ZNF516: variants seen among roughly 807,000 people sequenced by gnomAD.
ZNF516 encodes the protein zinc finger protein 516.
In ZNF516, 19 loss-of-function variants were observed where a neutral mutation model predicts 79.7. That is an observed-to-expected ratio of 0.24 (90% confidence interval 0.17 to 0.35). ZNF516 has a LOEUF of 0.35. ZNF516 is among the 10% of genes least tolerant of loss of function. The pLI is 1.00. For synonymous variants in ZNF516, 877 were observed against 739.5 expected (o/e 1.19, Z -3.02); for missense variants, 1,678 against 1,679.5 (o/e 1.00, Z 0.02).
intron 3 of ZNF516, among the ~76,000 whole-genome samples, chr18:76,433,846 T>G (rs1366483512): frequency 6.6e-6 from 1 of 152,110 alleles, no homozygotes; most frequent in Non-Finnish European, 1.5e-5. Flanking sequence ...TCGGAATGAC[T>G]AGAATCTCCC....
Position 76,442,074 on chromosome 18 carries a change from G to T in ZNF516, c.981C>A (p.Ile327=), listed in dbSNP as rs373365125. ...CCTCGTAGAGGCTCAGGCCGGCGAC[G>T]ATCACCTCCTCCTGGACCACGTTGT... ...TINNVVQEEV[I]VAGLSLYEVC... The change falls in exon 3 of 7, where the codon ATC becomes ATA. Residue 327 remains isoleucine, a synonymous_variant. Coordinates refer to ENST00000443185, the MANE Select transcript of ZNF516 (RefSeq NM_014643.4). The T allele has an allele frequency of 6.2e-6, 10 of 1,613,982 alleles. No homozygotes were observed. The highest frequency in any genetic ancestry group is 8.5e-6 in the Non-Finnish European group (10 of 1,179,902).
chr18:76,492,040 G>T, intron 1 of ZNF516: 1 of 441,752 alleles, frequency 2.3e-6, no homozygotes, highest in Non-Finnish European at 3.0e-6. Flanking sequence ...TGACCTCGGT[G>T]CGGCCTGGTG....
At chr18:76,465,878 G>A (rs911545917) in intron 1 of ZNF516, among the ~76,000 whole-genome samples, 4 of 152,194 alleles carry the variant, frequency 2.6e-5, no homozygotes, top group Admixed American at 1.3e-4. Flanking sequence ...GCAGGGACTT[G>A]GGAGAAGGAC....
At chr18:76,465,242 G>A (rs1019841825) in intron 1 of ZNF516, among the ~76,000 whole-genome samples, 1 of 152,170 alleles carries the variant, frequency 6.6e-6, no homozygotes, top group Admixed American at 6.5e-5. Flanking sequence ...CCAAGGTTTC[G>A]GGTTATGCAC....
intron 3 of ZNF516, among the ~76,000 whole-genome samples, chr18:76,432,445 C>G (rs1384171676): frequency 6.6e-6 from 1 of 152,262 alleles, no homozygotes; most frequent in African/African-American, 2.4e-5. Flanking sequence ...TGCAAAGGGC[C>G]AGCACCGTCA....
intron 4 of ZNF516, among the ~76,000 whole-genome samples, chr18:76,375,798 T>C (rs557566784): frequency 7.3e-6 from 1 of 136,368 alleles, no homozygotes; most frequent in African/African-American, 2.9e-5. Context: ...AAAGACCAGG[T>C]AGAGGATGTA....
At chr18:76,383,689 G>A (rs753968455) in intron 3 of ZNF516, among the ~76,000 whole-genome samples, 12 of 152,168 alleles carry the variant, frequency 7.9e-5, no homozygotes, top group African/African-American at 2.4e-4. Flanking sequence ...TCTTCTGACC[G>A]AGGTTTCTTC....
intron 6 of ZNF516, among the ~76,000 whole-genome samples, chr18:76,366,694 G>A (rs1401325854): frequency 1.2e-4 from 19 of 152,212 alleles, no homozygotes; most frequent in Admixed American, 1.2e-3. Context: ...CCAAGTATGT[G>A]AGTTTCCTCC....
rs191908172 is a variant in ZNF516, at chr18:76,425,781, G to A, written c.1810+15464C>T. On this transcript the variant is annotated intron_variant, in intron 3 of 6. Coordinates refer to ENST00000443185, the MANE Select transcript of ZNF516 (RefSeq NM_014643.4). ...CAAATGAAATGTGATGGACCCATGC[G>A]GCACTCAAGTCACTGACAACCCACG... is the stretch of plus-strand genomic sequence containing the variant. Among the ~76,000 whole-genome samples, 68 of 152,202 alleles carry A rather than the reference G, an allele frequency of 4.5e-4. 2 individuals carry two copies. The highest frequency in any genetic ancestry group is 3.9e-3 in the Admixed American group (59 of 15,294).
At chr18:76,370,110 C>T (rs535129190) in intron 6 of ZNF516, among the ~76,000 whole-genome samples, 40 of 152,328 alleles carry the variant, frequency 2.6e-4, no homozygotes, top group African/African-American at 9.1e-4. Flanking sequence ...GGCACAAAGC[C>T]GCAAGACACC....
At chr18:76,398,176 A>C (rs992735354) in intron 3 of ZNF516, among the ~76,000 whole-genome samples, 3 of 152,218 alleles carry the variant, frequency 2.0e-5, no homozygotes, top group Non-Finnish European at 4.4e-5. Flanking sequence ...TCTGTTGTGA[A>C]TCAAATGCTG....
intron 6 of ZNF516, among the ~76,000 whole-genome samples, chr18:76,370,173 A>G (rs2074679325): frequency 6.6e-6 from 1 of 152,250 alleles, no homozygotes; most frequent in Non-Finnish European, 1.5e-5. Context: ...ATGTTCTTCA[A>G]GGAGGTTAAC....
chr18:76,391,182 CT>C (rs1459042115), intron 3 of ZNF516, among the ~76,000 whole-genome samples: 1 of 152,162 alleles, frequency 6.6e-6, no homozygotes, highest in Non-Finnish European at 1.5e-5. Flanking sequence ...AGAGTCTGCA[CT>C]TTAGGAAACA....
At chr18:76,455,767 T>A (rs931559035) in intron 2 of ZNF516, among the ~76,000 whole-genome samples, 34 of 152,296 alleles carry the variant, frequency 2.2e-4, no homozygotes, top group Non-Finnish European at 7.4e-5. Flanking sequence ...AGTCTGCACT[T>A]ACACACGTGA....
At chr18:76,386,445 G>C (rs565783645) in intron 3 of ZNF516, 3 of 152,364 alleles carry the variant, frequency 2.0e-5, no homozygotes, top group Admixed American at 6.5e-5. Context: ...AAGGAAGGGG[G>C]ATGGGAGGTG....
intron 3 of ZNF516, among the ~76,000 whole-genome samples, chr18:76,422,711 G>A (rs1020441807): frequency 4.6e-5 from 7 of 152,026 alleles, no homozygotes; most frequent in African/African-American, 1.7e-4. Flanking sequence ...CAGACATGGG[G>A]CACTGGGGAG....
Position 76,403,241 on chromosome 18 carries a change from A to G in ZNF516, c.1811-22938T>C, listed in dbSNP as rs886539317. ...ACTATACTGGTGCACCCGTTAAGAC[A>G]CTTCCCTTGCCCAGGGCTGCCTGCA... On this transcript the variant is annotated intron_variant, in intron 3 of 6. Coordinates refer to ENST00000443185, the MANE Select transcript of ZNF516 (RefSeq NM_014643.4). Among the ~76,000 whole-genome samples, 19 of 152,208 alleles carry G rather than the reference A, an allele frequency of 1.2e-4. 1 individual carries two copies. The highest frequency in any genetic ancestry group is 2.9e-5 in the Non-Finnish European group (2 of 68,042).
chr18:76,455,541 G>C (rs1277586974), intron 2 of ZNF516, among the ~76,000 whole-genome samples: 1 of 152,218 alleles, frequency 6.6e-6, no homozygotes, highest in South Asian at 2.1e-4. Flanking sequence ...ATTCAGCAGG[G>C]TGTAAGCACA....
intron 3 of ZNF516, among the ~76,000 whole-genome samples, chr18:76,437,067 A>ACACACACACACAC (rs1555710304): frequency 7.4e-6 from 1 of 135,892 alleles, no homozygotes; most frequent in African/African-American, 2.9e-5. Flanking sequence ...ACCTGTCTAA[A>ACACACACACACAC]ACACACACAC....
Sources: allele counts gnomAD v4.1 joint callset (sites outside exome capture counted in the v4.1 genomes callset), GRCh38; gene constraint gnomAD v4.1.1; transcripts MANE v1.5; gene names NCBI Gene and HGNC (gene_info 2026-07-23, HGNC 2026-07-21).